DOCK9: variants seen among roughly 807,000 people sequenced by gnomAD.
DOCK9 encodes the protein dedicator of cytokinesis 9.
DOCK9 carries 89 observed loss-of-function variants against 263.3 expected under a neutral mutation model. The ratio of observed to expected loss-of-function variants is 0.34; its 90% CI spans 0.28 to 0.40. The LOEUF is 0.40. DOCK9 is among the 10% of genes least tolerant of loss of function. The pLI is 1.00. For missense variants in DOCK9, 2,140 were observed against 2,603.4 expected (o/e 0.82, Z 3.87); for synonymous variants, 976 against 973.1 (o/e 1.00, Z -0.06).
At position 98,794,574 on chromosome 13, in the gene DOCK9, C is replaced by G; in HGVS notation, c.*52G>C. 2.6e-6 allele frequency: 4 copies of G among 1,544,328 alleles called. No homozygotes were observed. Among genetic ancestry groups the G allele is most frequent in the Non-Finnish European group, 3.5e-6 (4 of 1,142,308 alleles). The stretch of plus-strand genomic sequence containing the variant: ...CCAGTGATTGGCTTTGGAAAGCATC[C>G]TGAGTTTGCAAATGACAAAGCAAGT... On this transcript the variant is annotated 3_prime_UTR_variant, in exon 53 of 53. Coordinates refer to ENST00000682017, the MANE Select transcript of DOCK9 (RefSeq NM_001366683.2).
chr13:98,901,111 C>T (rs1276122418), intron 13 of DOCK9, among the ~76,000 whole-genome samples: 1 of 152,244 alleles, frequency 6.6e-6, no homozygotes, highest in African/African-American at 2.4e-5. Context: ...CAGCTCCAGC[C>T]ATGAGACACT....
intron 5 of DOCK9, 44 bp from the exon 6 acceptor site, chr13:98,922,190 C>G: frequency 1.4e-6 from 2 of 1,460,998 alleles, no homozygotes; most frequent in Non-Finnish European, 1.9e-6. Flanking sequence ...CCCGTTATTA[C>G]CTGGGTTGCT....
chr13:99,084,050 C>A (rs1051393719), intron 1 of DOCK9, among the ~76,000 whole-genome samples: 1 of 152,196 alleles, frequency 6.6e-6, no homozygotes, highest in South Asian at 2.1e-4. Context: ...CTGAACCTGG[C>A]GTGGTTGCTG....
At chr13:99,063,150 A>G (rs2041266518) in intron 1 of DOCK9, among the ~76,000 whole-genome samples, 1 of 152,242 alleles carries the variant, frequency 6.6e-6, no homozygotes, top group African/African-American at 2.4e-5. Flanking sequence ...AAAAGAAAAG[A>G]ACCAACAGGA....
intron 1 of DOCK9, among the ~76,000 whole-genome samples, chr13:99,064,331 T>G (rs1453758060): frequency 6.6e-6 from 1 of 152,138 alleles, no homozygotes; most frequent in African/African-American, 2.4e-5. Context: ...AAATAACAGG[T>G]GGCGGTGACA....
At chr13:98,939,634 G>A (rs2055489767) in intron 2 of DOCK9, among the ~76,000 whole-genome samples, 1 of 152,194 alleles carries the variant, frequency 6.6e-6, no homozygotes, top group Non-Finnish European at 1.5e-5. Context: ...GGACGGACCT[G>A]GATGCAGCCA....
At chr13:98,888,602 T>G in intron 16 of DOCK9, 30 bp downstream of exon 16, 2 of 1,612,450 alleles carry the variant, frequency 1.2e-6, no homozygotes, top group African/African-American at 2.7e-5. Context: ...CTAATAAAAA[T>G]TCTGTCTATT....
chr13:98,964,271 A>C (rs1390494810), intron 1 of DOCK9, among the ~76,000 whole-genome samples: 4 of 152,202 alleles, frequency 2.6e-5, no homozygotes. Context: ...AGGGCAAGAC[A>C]GCCCTATTGT....
intron 1 of DOCK9, among the ~76,000 whole-genome samples, chr13:99,052,813 C>G (rs2040761512): frequency 6.6e-6 from 1 of 151,862 alleles, no homozygotes; most frequent in Non-Finnish European, 1.5e-5. Flanking sequence ...CTATGTTGCC[C>G]AGGCTCTTTG....
intron 45 of DOCK9, among the ~76,000 whole-genome samples, chr13:98,817,404 C>T (rs1328629939): frequency 6.8e-6 from 1 of 147,122 alleles, no homozygotes; most frequent in Admixed American, 6.8e-5. Flanking sequence ...ATTACCCATC[C>T]TCAGGTAGTT....
At position 98,960,319 on chromosome 13, in the gene DOCK9, T is replaced by C. The variant is rs186054893; in HGVS notation, c.127-4768A>G. ...ATTCATGAGTTTGAATTGTGAATAT[T>C]TCAGGATACTATTTTTCCCTAAGCA... On this transcript the variant is annotated intron_variant, in intron 1 of 52. Transcript: ENST00000682017. 9.8e-5 allele frequency among the ~76,000 whole-genome samples: 15 copies of C among 152,290 alleles called. 1 individual carries two copies. The East Asian group carries it at 2.9e-3, about 29-fold the overall frequency.
intron 1 of DOCK9, among the ~76,000 whole-genome samples, chr13:99,037,108 A>T (rs778800287): frequency 6.6e-6 from 1 of 152,220 alleles, no homozygotes; most frequent in African/African-American, 2.4e-5. Flanking sequence ...TCTACTCTTA[A>T]AAGTGGTTAA....
chr13:98,801,593 T>A (rs1400348843), intron 49 of DOCK9, among the ~76,000 whole-genome samples: 1 of 152,228 alleles, frequency 6.6e-6, no homozygotes, highest in Admixed American at 6.5e-5. Flanking sequence ...TCATTTACTA[T>A]TTCACATTTC....
intron 21 of DOCK9, 21 bp downstream of exon 21, chr13:98,884,950 C>T: frequency 1.2e-6 from 2 of 1,605,238 alleles, no homozygotes; most frequent in Non-Finnish European, 8.5e-7. Flanking sequence ...TGGGATGACC[C>T]AATCTTAAAA....
intron 30 of DOCK9, among the ~76,000 whole-genome samples, chr13:98,866,265 T>C (rs1007247843): frequency 2.0e-5 from 3 of 152,166 alleles, no homozygotes; most frequent in African/African-American, 7.2e-5. Context: ...TAGCCGGGGA[T>C]TGTCATCCAG....
chr13:98,851,509 G>A (rs573190481), intron 35 of DOCK9, among the ~76,000 whole-genome samples: 5 of 152,304 alleles, frequency 3.3e-5, no homozygotes, highest in East Asian at 1.9e-4. Context: ...AGCGGCCAGC[G>A]GCATGGGCAA....
At chr13:98,804,003 T>C (rs1330647776) in intron 49 of DOCK9, among the ~76,000 whole-genome samples, 2 of 144,862 alleles carry the variant, frequency 1.4e-5, no homozygotes, top group Non-Finnish European at 2.9e-5. Flanking sequence ...AGTCTCTCTT[T>C]TTAAAGCATA....
intron 21 of DOCK9, among the ~76,000 whole-genome samples, chr13:98,884,297 G>A (rs2045335544): frequency 6.6e-6 from 1 of 152,216 alleles, no homozygotes; most frequent in Non-Finnish European, 1.5e-5. Flanking sequence ...TCAATCGTCT[G>A]CTCACACTAA....
chr13:99,044,806 A>T (rs140531096), intron 1 of DOCK9, among the ~76,000 whole-genome samples: 73 of 152,302 alleles, frequency 4.8e-4, no homozygotes, highest in African/African-American at 1.7e-3. Context: ...AACCAAAAGG[A>T]CTGTCACCTG....
Sources: gnomAD v4.1 joint callset for allele counts (sites outside exome capture counted in the v4.1 genomes callset) on GRCh38, gnomAD v4.1.1 for gene constraint, MANE v1.5 for transcripts, NCBI Gene and HGNC (gene_info 2026-07-23, HGNC 2026-07-21) for gene names.